NPM2: variants seen among roughly 807,000 people sequenced by gnomAD.
NPM2 encodes the protein nucleoplasmin-2.
Under a neutral mutation model 32.0 loss-of-function variants are expected in NPM2, and 25 were observed. The observed-to-expected ratio is 0.78, with a 90% confidence interval of 0.57 to 1.09. The LOEUF is 1.09. Ranked by LOEUF, NPM2 falls within the 50% of genes least tolerant of loss-of-function variation. The probability of loss-of-function intolerance (pLI) is 0.00; values close to 1 mark genes in which losing one functional copy is unlikely to be tolerated. For synonymous variants in NPM2, 111 were observed against 94.2 expected, an observed-to-expected ratio of 1.18 and a Z score of -1.04; for missense variants, 282 against 259.9, an observed-to-expected ratio of 1.08 and a Z score of -0.58.
At chr8:22,026,757 TTTTC>T (rs200792953) in intron 5 of NPM2, among the ~76,000 whole-genome samples, 3 of 152,072 alleles carry the variant, frequency 2.0e-5, no homozygotes, top group Admixed American at 1.3e-4. Context: ...GCCAGGTCTT[TTTTC>T]TTTCTTTCTT....
At chr8:22,036,362 C>G (rs374232176) in intron 8 of NPM2, 131 bp from the exon 9 acceptor site, 1 of 792,410 alleles carries the variant, frequency 1.3e-6, no homozygotes, top group Non-Finnish European at 2.0e-6. Flanking sequence ...TTAAAGAGTC[C>G]GAGTGGTCCC....
At chr8:22,026,705 T>C (rs972577283) in intron 5 of NPM2, among the ~76,000 whole-genome samples, 2 of 152,222 alleles carry the variant, frequency 1.3e-5, no homozygotes, top group African/African-American at 4.8e-5. Context: ...TTCGCCCGCC[T>C]TGGCCTCCCG....
chr8:22,036,742 A>AC lies in NPM2; in HGVS notation c.*61dup. On this transcript the variant is annotated 3_prime_UTR_variant, in exon 10 of 10. Coordinates refer to ENST00000518119, the MANE Select transcript of NPM2 (RefSeq NM_001286680.2). ...GCCTTCCCTGGGCTGTGCTGCAGGC[A>AC]CAGGGTGCCCCTGTCCAGCCCCTCC... 1 of 1,488,308 alleles carries AC rather than the reference A, an allele frequency of 6.7e-7. No individual in the cohort carries two copies. Among genetic ancestry groups the AC allele is most frequent in the South Asian group, 1.3e-5 (1 of 77,240 alleles). The allele number at this position is 1,488,308 out of a possible 1,614,324, so 92.2% of individuals were successfully genotyped here. A position where few individuals can be genotyped will look rare whatever the true frequency, so the allele number is the denominator to read the frequency against.
At chr8:22,031,716 G>A (rs1156478062) in intron 5 of NPM2, among the ~76,000 whole-genome samples, 1 of 152,316 alleles carries the variant, frequency 6.6e-6, no homozygotes, top group Non-Finnish European at 1.5e-5. Flanking sequence ...AAAGTGCTTG[G>A]ATTACAGGCA....
rs1477458602 is a variant in NPM2, at chr8:22,034,216, C to A, written c.472C>A (p.Gln158Lys). ...GGATGCAGATATATCTCTGGAGGAG[C>A]AAAGCCCTGTCAAACAAGTCAAAAG... ...DEDADISLEE[Q>K]SPVKQVKRLV... Residue 158 changes from glutamine to lysine, a missense_variant, in exon 7 of 10, where the codon CAA becomes AAA. Physicochemically the swap from Gln to Lys is moderately conservative, Grantham distance 53 (BLOSUM62 1). Transcript: ENST00000518119. 1.2e-6 allele frequency: 2 copies of A among 1,611,242 alleles called. No homozygotes were observed. The highest frequency in any genetic ancestry group is 3.3e-5 in the Admixed American group (2 of 59,758).
intron 6 of NPM2, 92 bp from the exon 7 acceptor site, chr8:22,034,017 G>A: frequency 6.6e-7 from 1 of 1,509,312 alleles, no homozygotes. Context: ...CCAGGGCAGT[G>A]CTTGGAGCAA....
chr8:22,033,097 T>A, intron 5 of NPM2, 33 bp from the exon 6 acceptor site: 1 of 1,538,358 alleles, frequency 6.5e-7, no homozygotes, highest in Non-Finnish European at 9.0e-7. Flanking sequence ...CAGGCCTAAG[T>A]GGCCCTGTCT....
At chr8:22,034,826 G>A (rs887293424) in intron 8 of NPM2, among the ~76,000 whole-genome samples, 5 of 152,180 alleles carry the variant, frequency 3.3e-5, no homozygotes, top group East Asian at 1.9e-4. Context: ...TGCTTCTCAC[G>A]GCCAGGCTTG....
chr8:22,030,103 C>T (rs1177934917), intron 5 of NPM2, among the ~76,000 whole-genome samples: 1 of 152,176 alleles, frequency 6.6e-6, no homozygotes, highest in Non-Finnish European at 1.5e-5. Context: ...ACTCTGTCCC[C>T]CGTGTTAGCT....
intron 5 of NPM2, among the ~76,000 whole-genome samples, chr8:22,028,878 A>T (rs1366793347): frequency 2.0e-5 from 3 of 151,988 alleles, no homozygotes; most frequent in African/African-American, 7.3e-5. Context: ...ATTCATTGTG[A>T]TTGCTGATGT....
chr8:22,032,745 TA>T (rs1368057204), intron 5 of NPM2, among the ~76,000 whole-genome samples: 1 of 152,050 alleles, frequency 6.6e-6, no homozygotes, highest in African/African-American at 2.4e-5. Flanking sequence ...TCTCTTTTTG[TA>T]AAGGTACTAG....
rs184625020 is a variant in NPM2, at chr8:22,025,243, G to A, written c.-6G>A. 3 of 1,611,202 alleles carry A rather than the reference G, an allele frequency of 1.9e-6. No individual in the cohort carries two copies. The East Asian group carries it at 6.7e-5, about 36-fold the overall frequency. ...GCCCGGCCAGCCCGCTTCTCTGCCC[G>A]GAGCCATGAATCTCAGTAGCGCCAG... On this transcript the variant is annotated 5_prime_UTR_variant, in exon 3 of 10. Transcript: ENST00000518119.
intron 6 of NPM2, 137 bp from the exon 7 acceptor site, chr8:22,033,971 GC>G: frequency 7.5e-7 from 1 of 1,333,936 alleles, no homozygotes; most frequent in South Asian, 1.6e-5. Flanking sequence ...CAGGTGGCAG[GC>G]AGGTAACCAC....
chr8:22,035,319 G>A (rs1020393625), intron 8 of NPM2, among the ~76,000 whole-genome samples: 3 of 152,196 alleles, frequency 2.0e-5, no homozygotes, highest in Non-Finnish European at 4.4e-5. Context: ...TGCCACCCAG[G>A]CTGGAGTGTG....
chr8:22,036,452 T>C, intron 8 of NPM2, 41 bp from the exon 9 acceptor site: 1 of 1,588,544 alleles, frequency 6.3e-7, no homozygotes, highest in Non-Finnish European at 8.6e-7. Flanking sequence ...GCTCTCTCCC[T>C]GACCCCAATC....
chr8:22,034,200 T>C lies in NPM2; in HGVS notation c.456T>C (p.Asp152=). Reference sequence around the variant, plus strand: ...AAGATGATGAGGATGAGGATGCAGATATATCTCTGGAGGAGCAAAGCCCTG... The same window carrying C: ...AAGATGATGAGGATGAGGATGCAGACATATCTCTGGAGGAGCAAAGCCCTG... ...EEEDDEDEDA[D]ISLEEQSPVK... Residue 152 remains aspartate (D), a synonymous_variant, in exon 7 of 10, where the codon GAT becomes GAC. Coordinates refer to ENST00000518119, the MANE Select transcript of NPM2 (RefSeq NM_001286680.2). 6.2e-7 allele frequency: 1 copy of C among 1,612,814 alleles called. No homozygotes were observed. The highest frequency in any genetic ancestry group is 2.2e-5 in the East Asian group (1 of 44,862).
chr8:22,035,086 G>A (rs1459160542), intron 8 of NPM2, among the ~76,000 whole-genome samples: 1 of 152,172 alleles, frequency 6.6e-6, no homozygotes, highest in Admixed American at 6.5e-5. Context: ...CTGGATGACA[G>A]AGCGAGACTC....
At chr8:22,029,550 T>A (rs1049920184) in intron 5 of NPM2, among the ~76,000 whole-genome samples, 1 of 152,374 alleles carries the variant, frequency 6.6e-6, no homozygotes, top group African/African-American at 2.4e-5. Flanking sequence ...TTCCAGTTAA[T>A]TCTTATGTAG....
rs771614767 is a variant in NPM2, at chr8:22,036,526, G to A, written c.600G>A (p.Lys200=). ...TTAGAGACAAGAGCCCTGTGAAAAA[G>A]GTGAGTAGGACCAGAGGGCTTTGGC... ...ASVRDKSPVK[K]AKATARAKKP... is the part of the protein sequence containing the mutation. The change falls in exon 9 of 10, where the codon AAG becomes AAA. Residue 200 remains lysine, a splice_region_variant and synonymous_variant. Transcript: ENST00000518119. 2.5e-6 allele frequency: 4 copies of A among 1,600,292 alleles called. No individual in the cohort carries two copies. The South Asian group carries it at 4.5e-5, about 18-fold the overall frequency.
Sources: gnomAD v4.1 joint callset for allele counts (sites outside exome capture counted in the v4.1 genomes callset) on GRCh38, gnomAD v4.1.1 for gene constraint, MANE v1.5 for transcripts, NCBI Gene and HGNC (gene_info 2026-07-23, HGNC 2026-07-21) for gene names.